Variants in KCNJ8 observed in about 807,000 individuals in gnomAD.
KCNJ8 encodes the protein potassium inwardly rectifying channel subfamily J member 8.
Under a neutral mutation model 28.2 loss-of-function variants are expected in KCNJ8, and 13 were observed. The observed-to-expected ratio is 0.46, with a 90% CI of 0.30 to 0.73. The LOEUF (loss-of-function observed/expected upper bound fraction) is 0.73, where lower values mean the gene tolerates loss of function less well. Ranked by LOEUF, KCNJ8 falls within the 30% of genes least tolerant of loss-of-function variation. KCNJ8 has a pLI of 0.07. For synonymous variants in KCNJ8, 188 were observed against 195.9 expected (o/e 0.96, Z 0.34); for missense variants, 284 against 542.6 (o/e 0.52, Z 4.73).
chr12:21,765,646 A>T lies in KCNJ8; in HGVS notation c.*77T>A. On this transcript the variant is annotated 3_prime_UTR_variant, in exon 3 of 3. Transcript: ENST00000240662. ...GTAGAAGGACACATTATTGTGTTCC[A>T]GCTCTGGTTCAGTCTGGCAGTGCCC... The T allele has an allele frequency of 8.3e-7, 1 of 1,205,378 alleles. No homozygotes were observed. The highest frequency in any genetic ancestry group is 1.2e-6 in the Non-Finnish European group (1 of 808,048). The allele number at this position is 1,205,378 out of a possible 1,614,324, so 74.7% of individuals were successfully genotyped here. A position where few individuals can be genotyped will look rare whatever the true frequency, so the allele number is the denominator to read the frequency against.
chr12:21,773,752 T>A lies in KCNJ8; in HGVS notation c.-70-66A>T. On this transcript the variant is annotated intron_variant, in intron 1 of 2. Coordinates refer to ENST00000240662, the MANE Select transcript of KCNJ8 (RefSeq NM_004982.4). This position sits in a 1 kb window ranked among gnomAD's most constrained non-coding sequence, Gnocchi z 4.6. ...CCTATCCTCACCTCTTGGGTCCTTGTATTCAAGGATATGTCTGTACATGTG... is the reference window on the plus strand; with the variant it reads ...CCTATCCTCACCTCTTGGGTCCTTGAATTCAAGGATATGTCTGTACATGTG... 2.6e-6 allele frequency: 3 copies of A among 1,156,880 alleles called. No individual in the cohort carries two copies. The highest frequency in any genetic ancestry group is 3.8e-6 in the Non-Finnish European group (3 of 790,316). 71.7% of individuals were successfully genotyped at this position (1,156,880 alleles called of 1,614,324 possible). A position where few individuals can be genotyped will look rare whatever the true frequency, so the allele number is the denominator to read the frequency against.
At chr12:21,772,292 T>A (rs745735325) in intron 2 of KCNJ8, among the ~76,000 whole-genome samples, 1 of 152,196 alleles carries the variant, frequency 6.6e-6, no homozygotes, top group Non-Finnish European at 1.5e-5. Context: ...TTTAAAAATG[T>A]TTTGGAAAAT....
intron 2 of KCNJ8, among the ~76,000 whole-genome samples, chr12:21,768,121 G>C (rs1353930809): frequency 6.6e-6 from 1 of 152,118 alleles, no homozygotes; most frequent in Non-Finnish European, 1.5e-5. Context: ...TTCTTACAAG[G>C]AGCCCGCAGC....
rs1940630834 is a variant in KCNJ8, at chr12:21,766,681, A to G, written c.375-58T>C. 1.5e-6 allele frequency: 2 copies of G among 1,364,906 alleles called. No individual in the cohort carries two copies. Among genetic ancestry groups the G allele is most frequent in the Non-Finnish European group, 2.1e-6 (2 of 974,640 alleles). 84.5% of individuals were successfully genotyped at this position (1,364,906 alleles called of 1,614,324 possible). ...CAGGTCACATTTTGAATAATGAAAT[A>G]TGCCAAGCTGAGCTTTTCATTTTCT... On this transcript the variant is annotated intron_variant, in intron 2 of 2. Coordinates refer to ENST00000240662, the MANE Select transcript of KCNJ8 (RefSeq NM_004982.4). This position sits in a 1 kb window ranked among gnomAD's most constrained non-coding sequence, Gnocchi z 6.5.
At chr12:21,767,025 A>G (rs535511684) in intron 2 of KCNJ8, among the ~76,000 whole-genome samples, 3 of 152,274 alleles carry the variant, frequency 2.0e-5, no homozygotes, top group African/African-American at 2.4e-5. Flanking sequence ...AAAACTTTCT[A>G]CCAGGTAGAT....
intron 2 of KCNJ8, among the ~76,000 whole-genome samples, chr12:21,770,856 C>CAA (rs1214150260): frequency 6.6e-6 from 1 of 152,174 alleles, no homozygotes; most frequent in Non-Finnish European, 1.5e-5. Context: ...AGCAATCTCT[C>CAA]AAAGTATTAC....
rs750398506 is a variant in KCNJ8, at chr12:21,766,611, A to G, written c.387T>C (p.Ser129=). 11 of 1,599,372 alleles carry G rather than the reference A, an allele frequency of 6.9e-6. No homozygotes were observed. The highest frequency in any genetic ancestry group is 9.3e-6 in the Non-Finnish European group (11 of 1,178,860). Residue 129 remains serine (S), a synonymous_variant, in exon 3 of 3, where the codon TCT becomes TCC. Coordinates refer to ENST00000240662, the MANE Select transcript of KCNJ8 (RefSeq NM_004982.4). The surrounding 1 kb of genome is among the most constrained non-coding windows in gnomAD (Gnocchi z 6.5). The stretch of plus-strand genomic sequence containing the variant: ...GAACTTCAATGGAGAAGAGAAAAGC[A>G]GAAGTGAAAGACCTGTGAGGAATGA... The part of the protein sequence containing the change: ...VCVTNVRSFT[S]AFLFSIEVQV...
chr12:21,773,801 A>C lies in KCNJ8; in HGVS notation c.-70-115T>G. The C allele has an allele frequency of 1.4e-6, 1 of 720,370 alleles. No homozygotes were observed. The highest frequency in any genetic ancestry group is 1.8e-5 in the African/African-American group (1 of 56,100). 44.6% of individuals were successfully genotyped at this position (720,370 alleles called of 1,614,324 possible). On this transcript the variant is annotated intron_variant, in intron 1 of 2. Transcript: ENST00000240662. This position sits in a 1 kb window ranked among gnomAD's most constrained non-coding sequence, Gnocchi z 4.6. ...TGCGAGGTGACATGCAAAACCAAAA[A>C]TGTGATTTTTACTAACCCAAACATG...
At chr12:21,767,300 G>C (rs777963757) in intron 2 of KCNJ8, among the ~76,000 whole-genome samples, 9 of 142,938 alleles carry the variant, frequency 6.3e-5, no homozygotes, top group Non-Finnish European at 1.1e-4. Flanking sequence ...TTAAGTCAGG[G>C]GTCCCCAACC....
rs1035335591 is a variant in KCNJ8 at position 21,765,009 on chromosome 12, CT to C, written c.*713del. 25 of 153,036 alleles carry C rather than the reference CT, an allele frequency of 1.6e-4. No homozygotes were observed. Among genetic ancestry groups the C allele is most frequent in the African/African-American group, 6.0e-4 (25 of 41,564 alleles). 9.5% of individuals were successfully genotyped at this position (153,036 alleles called of 1,614,324 possible). A position where few individuals can be genotyped will look rare whatever the true frequency, so the allele number is the denominator to read the frequency against. ...AATACAGTATTTCCCTGTGGGGATT[CT>C]AGAAGAAGAAGTGAGATGCTGAAGG... On this transcript the variant is annotated 3_prime_UTR_variant, in exon 3 of 3. Transcript: ENST00000240662.
At chr12:21,770,163 C>A (rs1940725303) in intron 2 of KCNJ8, among the ~76,000 whole-genome samples, 1 of 152,172 alleles carries the variant, frequency 6.6e-6, no homozygotes, top group Non-Finnish European at 1.5e-5. Context: ...CCACCCCAAC[C>A]TTGAGCAACC....
chr12:21,767,620 A>G (rs1940662737), intron 2 of KCNJ8, among the ~76,000 whole-genome samples: 1 of 152,044 alleles, frequency 6.6e-6, no homozygotes, highest in Non-Finnish European at 1.5e-5. Flanking sequence ...CCGCAAAACC[A>G]GTCCCTGGCT....
chr12:21,772,971 T>A (rs1940796222), intron 2 of KCNJ8, among the ~76,000 whole-genome samples: 1 of 152,154 alleles, frequency 6.6e-6, no homozygotes, highest in African/African-American at 2.4e-5. Flanking sequence ...TCCTTTGAAT[T>A]ACAATTTTTT....
chr12:21,765,759 C>G lies in KCNJ8; in HGVS notation c.1239G>C (p.Met413Ile). Residue 413 changes from methionine to isoleucine, a missense_variant, in exon 3 of 3, where the codon ATG (methionine) becomes ATC (isoleucine). Met to Ile is a conservative substitution (Grantham distance 10). Coordinates refer to ENST00000240662, the MANE Select transcript of KCNJ8 (RefSeq NM_004982.4). ...SSLMVPKVQF[M>I]TPEGNQNTSE... ...ATGTGTTTTGATTTCCTTCTGGAGT[C>G]ATAAATTGCACCTTTGGTACCATGA... 1 of 1,614,116 alleles carries G rather than the reference C, an allele frequency of 6.2e-7. No homozygotes were observed. Among genetic ancestry groups the G allele is most frequent in the Non-Finnish European group, 8.5e-7 (1 of 1,179,976 alleles).
intron 2 of KCNJ8, among the ~76,000 whole-genome samples, chr12:21,768,968 G>A (rs148935757): frequency 1.3e-5 from 2 of 152,340 alleles, no homozygotes; most frequent in African/African-American, 4.8e-5. Context: ...TGATGGAGGA[G>A]CTGCAGCAAG....
At position 21,765,682 on chromosome 12, in the gene KCNJ8, G is replaced by A. The variant is rs199513950; in HGVS notation, c.*41C>T. ...AGTCTGGCAGTGCCCAGCATAAACC[G>A]TCAAAACTTGATAAAAGACTGTCTT... On this transcript the variant is annotated 3_prime_UTR_variant, in exon 3 of 3. Coordinates refer to ENST00000240662, the MANE Select transcript of KCNJ8 (RefSeq NM_004982.4). 7.8e-5 allele frequency: 123 copies of A among 1,584,188 alleles called. No individual in the cohort carries two copies. The highest frequency in any genetic ancestry group is 1.9e-4 in the African/African-American group (14 of 74,398).
At position 21,773,576 on chromosome 12, in the gene KCNJ8, A is replaced by C. The variant is rs1472440260; in HGVS notation, c.41T>G (p.Leu14Arg). Residue 14 changes from leucine to arginine, a missense_variant, in exon 2 of 3, where the codon CTG becomes CGG. By Grantham distance (102) the Leu-to-Arg change is moderately radical. This residue lies in a region of KCNJ8 where 54 missense variants were observed against 77.5 expected (regional missense o/e 0.70). Transcript: ENST00000240662. The surrounding 1 kb of genome is among the most constrained non-coding windows in gnomAD (Gnocchi z 4.6). ...RKSIIPEEYV[L>R]ARIAAENLRK... ...CAGGTTCTCTGCGGCGATGCGCGCCAGCACATACTCCTCCGGGATGATACT... is the reference window on the plus strand; with the variant it reads ...CAGGTTCTCTGCGGCGATGCGCGCCCGCACATACTCCTCCGGGATGATACT... 5 of 1,614,048 alleles carry C rather than the reference A, an allele frequency of 3.1e-6. No homozygotes were observed. In the East Asian group the frequency reaches 1.1e-4, roughly 36 times the overall value.
At chr12:21,770,667 C>T (rs754004459) in intron 2 of KCNJ8, among the ~76,000 whole-genome samples, 5 of 152,184 alleles carry the variant, frequency 3.3e-5, no homozygotes, top group Non-Finnish European at 5.9e-5. Context: ...GAAAAGTTCT[C>T]AGGGGATTCT....
rs72554071 is a variant in KCNJ8 at position 21,765,733 on chromosome 12, G to A, written c.1265C>T (p.Ser422Leu). Residue 422 changes from serine (S) to leucine (L), a missense_variant, in exon 3 of 3, where the codon TCG (serine) becomes TTG (leucine). Physicochemically the swap from Ser to Leu is moderately radical, Grantham distance 145. Coordinates refer to ENST00000240662, the MANE Select transcript of KCNJ8 (RefSeq NM_004982.4). Reference sequence around the variant, plus strand: ...GGGGTTATCTTGCTGTCATGATTCCGATGTGTTTTGATTTCCTTCTGGAGT... The same window carrying A: ...GGGGTTATCTTGCTGTCATGATTCCAATGTGTTTTGATTTCCTTCTGGAGT... Reference protein sequence around the residue: ...FMTPEGNQNTSES With the variant: ...FMTPEGNQNTLES 1.1e-3 allele frequency: 1,735 copies of A among 1,613,842 alleles called. 9 individuals carry two copies. The highest frequency in any genetic ancestry group is 4.5e-3 in the Middle Eastern group (27 of 6,062).
Sources: allele counts gnomAD v4.1 joint callset (sites outside exome capture counted in the v4.1 genomes callset), GRCh38; gene constraint gnomAD v4.1.1; regional missense constraint gnomAD v4.1.1; non-coding constraint Gnocchi (gnomAD v3.1); transcripts MANE v1.5; gene names NCBI Gene and HGNC (gene_info 2026-07-23, HGNC 2026-07-21).